Variants in ZNF438 observed in about 807,000 individuals in gnomAD.
The protein encoded by ZNF438 is zinc finger protein 438.
In ZNF438, 25 loss-of-function variants were observed where a neutral mutation model predicts 38.0. The ratio of observed to expected loss-of-function variants is 0.66; its 90% CI spans 0.48 to 0.92. ZNF438 has a LOEUF of 0.92. Ranked by LOEUF, ZNF438 falls within the 40% of genes least tolerant of loss-of-function variation. The pLI is 0.00. For synonymous variants in ZNF438, 372 were observed against 364.1 expected (o/e 1.02, Z -0.25); for missense variants, 1,007 against 999.6 (o/e 1.01, Z -0.10).
At chr10:30,860,979 T>A (rs1461896176) in intron 4 of ZNF438, among the ~76,000 whole-genome samples, 1 of 152,174 alleles carries the variant, frequency 6.6e-6, no homozygotes, top group Non-Finnish European at 1.5e-5. Context: ...AATAAATTAT[T>A]ATAAGTTTTA....
intron 1 of ZNF438, among the ~76,000 whole-genome samples, chr10:31,007,429 A>C (rs1017550392): frequency 1.3e-5 from 2 of 151,668 alleles, no homozygotes; most frequent in Non-Finnish European, 2.9e-5. Context: ...TTACAGGTGC[A>C]CGCCACCATG....
chr10:30,915,170 A>G (rs1261945089), intron 2 of ZNF438, among the ~76,000 whole-genome samples: 1 of 152,114 alleles, frequency 6.6e-6, no homozygotes, highest in East Asian at 1.9e-4. Flanking sequence ...ATGAAAGGAT[A>G]GGATCTTGCT....
chr10:30,896,732 T>C (rs1308598372), intron 3 of ZNF438, among the ~76,000 whole-genome samples: 1 of 152,132 alleles, frequency 6.6e-6, no homozygotes, highest in Non-Finnish European at 1.5e-5. Flanking sequence ...GTTCCAGTTT[T>C]ACAAGATGAA....
At chr10:30,898,280 A>C (rs1015102004) in intron 3 of ZNF438, among the ~76,000 whole-genome samples, 7 of 152,190 alleles carry the variant, frequency 4.6e-5, no homozygotes, top group African/African-American at 1.7e-4. Flanking sequence ...TGAGAACAAC[A>C]AGAATAAAGT....
intron 1 of ZNF438, among the ~76,000 whole-genome samples, chr10:31,009,951 C>T (rs1405264836): frequency 1.3e-5 from 2 of 150,706 alleles, no homozygotes; most frequent in East Asian, 2.0e-4. Flanking sequence ...CAAGTTCAAG[C>T]GATTCTCCTG....
At chr10:30,925,718 C>T in intron 2 of ZNF438, among the ~76,000 whole-genome samples, 1 of 152,244 alleles carries the variant, frequency 6.6e-6, no homozygotes, top group South Asian at 2.1e-4. Context: ...GGTTAAGGTT[C>T]CTCAGAAGCA....
chr10:31,008,172 C>T (rs1166587907), intron 1 of ZNF438, among the ~76,000 whole-genome samples: 1 of 152,104 alleles, frequency 6.6e-6, no homozygotes, highest in African/African-American at 2.4e-5. Flanking sequence ...TCTAAGTCAT[C>T]CTGCTTTTAT....
intron 4 of ZNF438, among the ~76,000 whole-genome samples, chr10:30,863,319 T>C (rs532931173): frequency 6.6e-6 from 1 of 152,320 alleles, no homozygotes; most frequent in East Asian, 1.9e-4. Context: ...TCCCAGGCAC[T>C]GGTGGGTACT....
intron 3 of ZNF438, among the ~76,000 whole-genome samples, chr10:30,892,837 G>A (rs532152568): frequency 6.6e-6 from 1 of 152,280 alleles, no homozygotes; most frequent in South Asian, 2.1e-4. Context: ...ATTTTTGAGA[G>A]TTTGCTATCT....
At chr10:30,953,906 G>A (rs2048556714) in intron 1 of ZNF438, among the ~76,000 whole-genome samples, 1 of 152,166 alleles carries the variant, frequency 6.6e-6, no homozygotes, top group Non-Finnish European at 1.5e-5. Flanking sequence ...CACTTTGGGA[G>A]GCCAATGCGG....
intron 1 of ZNF438, among the ~76,000 whole-genome samples, chr10:30,970,862 G>A (rs4749648): frequency 0.4 from 60,904 of 151,928 alleles, 12,446 homozygotes; most frequent in Admixed American, 0.44. Context: ...GAAATGTCTG[G>A]GGTTGTCTGT....
At chr10:31,029,574 C>A (rs886111770) in intron 1 of ZNF438, among the ~76,000 whole-genome samples, 1 of 152,196 alleles carries the variant, frequency 6.6e-6, no homozygotes. Flanking sequence ...TAACCTCCCC[C>A]AGCCCAAACC....
chr10:30,972,821 T>G (rs1182305051), intron 1 of ZNF438, among the ~76,000 whole-genome samples: 1 of 152,184 alleles, frequency 6.6e-6, no homozygotes, highest in Admixed American at 6.5e-5. Flanking sequence ...CAATCTCTTT[T>G]TAATAGATTT....
At chr10:30,887,355 C>A (rs567857593) in intron 3 of ZNF438, among the ~76,000 whole-genome samples, 22 of 152,138 alleles carry the variant, frequency 1.4e-4, no homozygotes, top group Non-Finnish European at 3.1e-4. Flanking sequence ...GCGCCCCCTC[C>A]TCTAAGGGAC....
At chr10:30,978,727 C>T (rs1234592215) in intron 1 of ZNF438, among the ~76,000 whole-genome samples, 1 of 152,180 alleles carries the variant, frequency 6.6e-6, no homozygotes, top group African/African-American at 2.4e-5. Flanking sequence ...TAAATGGAAT[C>T]AGTTGTGGTG....
chr10:31,026,987 C>T (rs1198344415), intron 1 of ZNF438, among the ~76,000 whole-genome samples: 1 of 151,064 alleles, frequency 6.6e-6, no homozygotes, highest in Non-Finnish European at 1.5e-5. Context: ...CAAACTTTCA[C>T]AAGGACAGAA....
chr10:30,963,226 T>C (rs1236556745), intron 1 of ZNF438, among the ~76,000 whole-genome samples: 1 of 151,634 alleles, frequency 6.6e-6, no homozygotes, highest in South Asian at 2.1e-4. Flanking sequence ...ACCCTGTCTC[T>C]ACCAAAAATA....
At chr10:30,862,449 C>A (rs1021788437) in intron 4 of ZNF438, among the ~76,000 whole-genome samples, 1 of 152,070 alleles carries the variant, frequency 6.6e-6, no homozygotes, top group Non-Finnish European at 1.5e-5. Flanking sequence ...ACAACACATG[C>A]ACACCACCCT....
chr10:30,927,349 A>C (rs6481729), intron 2 of ZNF438, among the ~76,000 whole-genome samples: 66,582 of 152,054 alleles, frequency 0.44, 14,809 homozygotes, highest in Admixed American at 0.46. Context: ...TATAGTCTCC[A>C]CAAAGGGCAT....
Sources: allele counts gnomAD v4.1 joint callset (sites outside exome capture counted in the v4.1 genomes callset), GRCh38; gene constraint gnomAD v4.1.1; transcripts MANE v1.5; gene names NCBI Gene and HGNC (gene_info 2026-07-23, HGNC 2026-07-21).